EPHB1: variants seen among roughly 807,000 people sequenced by gnomAD.
The protein encoded by EPHB1 is EPH receptor B1, also known as ephrin type-B receptor 1.
EPHB1 carries 30 observed loss-of-function variants against 94.4 expected under a neutral mutation model. The ratio of observed to expected loss-of-function variants is 0.32; its 90% CI spans 0.24 to 0.43. The LOEUF is 0.43. EPHB1 is among the 20% of genes least tolerant of loss of function. The pLI is 1.00. For missense variants in EPHB1, 1,055 were observed against 1,308.3 expected (o/e 0.81, Z 2.99); for synonymous variants, 522 against 489.1 (o/e 1.07, Z -0.89).
intron 4 of EPHB1, among the ~76,000 whole-genome samples, chr3:135,116,015 A>C (rs1475940682): frequency 6.6e-6 from 1 of 152,142 alleles, no homozygotes; most frequent in Non-Finnish European, 1.5e-5. Context: ...AGAGATTGAG[A>C]CCATCCTGGC....
intron 1 of EPHB1, among the ~76,000 whole-genome samples, chr3:134,867,356 C>A (rs948251762): frequency 6.6e-6 from 1 of 152,188 alleles, no homozygotes; most frequent in African/African-American, 2.4e-5. Flanking sequence ...ATGATGGAAC[C>A]AGCATTTGGA....
At chr3:134,989,204 T>G (rs1380798883) in intron 3 of EPHB1, among the ~76,000 whole-genome samples, 1 of 152,120 alleles carries the variant, frequency 6.6e-6, no homozygotes, top group Non-Finnish European at 1.5e-5. Flanking sequence ...CTCTGAATAT[T>G]TGATTGGAGG....
intron 3 of EPHB1, among the ~76,000 whole-genome samples, chr3:134,972,499 A>C (rs1481404832): frequency 2.0e-5 from 1 of 49,728 alleles, no homozygotes; most frequent in Non-Finnish European, 3.5e-5. Flanking sequence ...TTATATATTT[A>C]TTATAAATAT....
chr3:135,063,695 T>TAAGAGAAA (rs1937545130), intron 3 of EPHB1, among the ~76,000 whole-genome samples: 1 of 152,216 alleles, frequency 6.6e-6, no homozygotes, highest in African/African-American at 2.4e-5. Context: ...TTCTCTTGTC[T>TAAGAGAAA]GATTGCTCTG....
At chr3:135,116,235 A>T (rs1407097774) in intron 4 of EPHB1, among the ~76,000 whole-genome samples, 2 of 152,182 alleles carry the variant, frequency 1.3e-5, no homozygotes, top group Non-Finnish European at 1.5e-5. Flanking sequence ...AAAAACAAAA[A>T]AACATTAAAA....
intron 1 of EPHB1, among the ~76,000 whole-genome samples, chr3:134,863,268 T>C (rs555440003): frequency 1.3e-5 from 2 of 152,344 alleles, no homozygotes; most frequent in African/African-American, 4.8e-5. Context: ...TGTTCTTGTA[T>C]ATCTGCCGGC....
intron 12 of EPHB1, among the ~76,000 whole-genome samples, chr3:135,232,108 T>C (rs1418277901): frequency 6.6e-6 from 1 of 152,200 alleles, no homozygotes; most frequent in Non-Finnish European, 1.5e-5. Context: ...TAGAAGCTGG[T>C]GACACTCAGA....
intron 1 of EPHB1, among the ~76,000 whole-genome samples, chr3:134,814,777 G>A (rs7619017): frequency 1.8e-3 from 275 of 152,326 alleles, no homozygotes; most frequent in African/African-American, 6.5e-3. Context: ...CATTGCAGAC[G>A]AAGCTTCATT....
chr3:135,227,400 T>G (rs974310225), intron 12 of EPHB1, among the ~76,000 whole-genome samples: 45 of 152,224 alleles, frequency 3.0e-4, no homozygotes, highest in African/African-American at 9.6e-4. Flanking sequence ...TCTTCTCCTC[T>G]TTACTGTGTG....
chr3:134,961,403 C>T (rs767792694), intron 3 of EPHB1, among the ~76,000 whole-genome samples: 1 of 152,196 alleles, frequency 6.6e-6, no homozygotes, highest in Non-Finnish European at 1.5e-5. Flanking sequence ...CCGTTACTTC[C>T]GAAGGAAGCC....
chr3:134,861,618 T>C (rs115397383), intron 1 of EPHB1, among the ~76,000 whole-genome samples: 1,789 of 150,464 alleles, frequency 0.012, 38 homozygotes, highest in African/African-American at 0.041. Context: ...GCGGGGAGAG[T>C]GTGAGGGACT....
chr3:134,896,958 A>G (rs2107687907), intron 1 of EPHB1, among the ~76,000 whole-genome samples: 1 of 152,298 alleles, frequency 6.6e-6, no homozygotes, highest in African/African-American at 2.4e-5. Flanking sequence ...CTCCTTGCGT[A>G]ATATCTGCCT....
chr3:135,006,946 A>G (rs1935437970), intron 3 of EPHB1, among the ~76,000 whole-genome samples: 1 of 152,142 alleles, frequency 6.6e-6, no homozygotes, highest in South Asian at 2.1e-4. Flanking sequence ...GTACCCTTGT[A>G]GATTTAACTT....
At chr3:135,038,468 A>G (rs982315644) in intron 3 of EPHB1, among the ~76,000 whole-genome samples, 5 of 152,172 alleles carry the variant, frequency 3.3e-5, no homozygotes, top group Non-Finnish European at 5.9e-5. Context: ...GGAGAGAGAG[A>G]TAGGCCCAGT....
At chr3:135,009,929 T>A (rs1360514308) in intron 3 of EPHB1, among the ~76,000 whole-genome samples, 1 of 152,204 alleles carries the variant, frequency 6.6e-6, no homozygotes, top group Non-Finnish European at 1.5e-5. Context: ...AAAGTACAAA[T>A]TTTAAAATGA....
At chr3:135,056,754 G>A (rs755625055) in intron 3 of EPHB1, among the ~76,000 whole-genome samples, 4 of 152,204 alleles carry the variant, frequency 2.6e-5, no homozygotes, top group Admixed American at 6.5e-5. Context: ...TGGAGCCCTC[G>A]CAGACGAGAC....
chr3:135,232,814 G>A (rs1355041232), intron 12 of EPHB1, among the ~76,000 whole-genome samples: 1 of 152,106 alleles, frequency 6.6e-6, no homozygotes, highest in Non-Finnish European at 1.5e-5. Context: ...TGGTGGAAGG[G>A]GAAGCAAACA....
At chr3:135,244,116 C>A (rs1331911860) in intron 13 of EPHB1, among the ~76,000 whole-genome samples, 1 of 152,204 alleles carries the variant, frequency 6.6e-6, no homozygotes, top group African/African-American at 2.4e-5. Flanking sequence ...CTAGTCACTC[C>A]ACCCAGTCCC....
rs71838244 is a variant in EPHB1 at position 135,045,268 on chromosome 3, AAAAAAG to A, written c.806-61158_806-61153del. ...GTTATCCTTTACACCAGTCACTGAA[AAAAAAG>A]AAAAAGAAAAAGAAAAAGAAAGCAA... On this transcript the variant is annotated intron_variant, in intron 3 of 15. Coordinates refer to ENST00000398015, the MANE Select transcript of EPHB1 (RefSeq NM_004441.5). Among the ~76,000 whole-genome samples, 607 of 152,346 alleles carry A rather than the reference AAAAAAG, an allele frequency of 4.0e-3. 4 individuals carry two copies. The highest frequency in any genetic ancestry group is 0.012 in the African/African-American group (505 of 41,570).
Sources: allele counts gnomAD v4.1 joint callset (sites outside exome capture counted in the v4.1 genomes callset), GRCh38; gene constraint gnomAD v4.1.1; transcripts MANE v1.5; gene names NCBI Gene and HGNC (gene_info 2026-07-23, HGNC 2026-07-21).